Variants in IGSF5 observed in about 807,000 individuals in gnomAD.
IGSF5 encodes immunoglobulin superfamily member 5.
IGSF5 carries 41 observed loss-of-function variants against 39.4 expected under a neutral mutation model. That is an observed-to-expected ratio of 1.04 (90% confidence interval 0.81 to 1.35). IGSF5 has a LOEUF of 1.35. Ranked by LOEUF, IGSF5 falls within the 40% of genes most tolerant of loss-of-function variation. The probability of loss-of-function intolerance (pLI) is 0.00; values close to 1 mark genes in which losing one functional copy is unlikely to be tolerated. For missense variants in IGSF5, 487 were observed against 494.6 expected, an observed-to-expected ratio of 0.98 and a Z score of 0.15; for synonymous variants, 183 against 175.3, an observed-to-expected ratio of 1.04 and a Z score of -0.34.
In IGSF5 at chr21:39,791,872, A is replaced by C. The variant is rs540370629; in HGVS notation, c.957-136A>C. On this transcript the variant is annotated intron_variant, in intron 6 of 8. Transcript: ENST00000380588. Reference sequence around the variant, plus strand: ...CTGCAACGCAGCGGCAAAGCTATGGACTTCCTGTGTTAAGTTCAATGTGTA... The same window carrying C: ...CTGCAACGCAGCGGCAAAGCTATGGCCTTCCTGTGTTAAGTTCAATGTGTA... The C allele has an allele frequency of 4.8e-6, 3 of 624,020 alleles. No individual in the cohort carries two copies. In the African/African-American group the frequency reaches 5.5e-5, roughly 11 times the overall value. 38.7% of individuals were successfully genotyped at this position (624,020 alleles called of 1,614,324 possible). A position where few individuals can be genotyped will look rare whatever the true frequency, so the allele number is the denominator to read the frequency against.
At chr21:39,788,118 T>C in intron 5 of IGSF5, 49 bp from the exon 6 acceptor site, 2 of 1,461,916 alleles carry the variant, frequency 1.4e-6, no homozygotes, top group Non-Finnish European at 1.9e-6. Context: ...ACTCGATTTT[T>C]AGAATAAGTA....
rs190726928 is a variant in IGSF5, at chr21:39,746,095, C to A, written c.18-121C>A. On this transcript the variant is annotated intron_variant, in intron 1 of 8. Transcript: ENST00000380588. ...AGAAGCTGTGGGTCATGGGAGAGAA[C>A]CATGGAAGCCAGTGACTAGTGTTTA... 2,240 of 677,614 alleles carry A rather than the reference C, an allele frequency of 3.3e-3. 13 individuals carry two copies. Among genetic ancestry groups the A allele is most frequent in the Non-Finnish European group, 5.3e-3 (1,981 of 370,858 alleles). 42.0% of individuals were successfully genotyped at this position (677,614 alleles called of 1,614,324 possible).
chr21:39,769,630 G>A (rs1027855976), intron 3 of IGSF5, among the ~76,000 whole-genome samples: 1 of 152,002 alleles, frequency 6.6e-6, no homozygotes, highest in African/African-American at 2.4e-5. Context: ...GCAGTATATT[G>A]CAACAGACTG....
chr21:39,793,835 G>C (rs184366181), intron 8 of IGSF5, among the ~76,000 whole-genome samples: 2 of 152,240 alleles, frequency 1.3e-5, no homozygotes, highest in South Asian at 2.1e-4. Context: ...GCTGGTTCTG[G>C]GTAACAGCTC....
the IGSF5 span, among the ~76,000 whole-genome samples, chr21:39,734,820 A>G: frequency 6.6e-6 from 1 of 152,176 alleles, no homozygotes; most frequent in African/African-American, 2.4e-5. Context: ...AAGGTTTCTC[A>G]TACATTAAGT....
chr21:39,777,701 T>C (rs2080148052), intron 4 of IGSF5, among the ~76,000 whole-genome samples: 1 of 152,212 alleles, frequency 6.6e-6, no homozygotes, highest in Admixed American at 6.5e-5. Flanking sequence ...AGTTCTGCTC[T>C]GGGCATCTTA....
chr21:39,753,729 G>A (rs1185700407), intron 2 of IGSF5, among the ~76,000 whole-genome samples: 1 of 97,814 alleles, frequency 1.0e-5, no homozygotes, highest in Non-Finnish European at 2.1e-5. Flanking sequence ...ACTATATAAT[G>A]CCCTTCTTTG....
chr21:39,784,542 C>T (rs1056270170), intron 5 of IGSF5, among the ~76,000 whole-genome samples: 1 of 152,126 alleles, frequency 6.6e-6, no homozygotes, highest in East Asian at 1.9e-4. Context: ...TTTCTGTGAT[C>T]CATCCTAGAT....
At chr21:39,732,527 A>G in the IGSF5 span, among the ~76,000 whole-genome samples, 1 of 152,220 alleles carries the variant, frequency 6.6e-6, no homozygotes, top group Non-Finnish European at 1.5e-5. Flanking sequence ...GGGATTTATC[A>G]ACTTTGTACC....
chr21:39,722,016 G>A, the IGSF5 span, among the ~76,000 whole-genome samples: 1 of 152,224 alleles, frequency 6.6e-6, no homozygotes, highest in Non-Finnish European at 1.5e-5. Flanking sequence ...AGCAGCCACA[G>A]ACAATATGTG....
chr21:39,726,000 G>A, the IGSF5 span: 1 of 152,208 alleles, frequency 6.6e-6, no homozygotes, highest in Admixed American at 6.5e-5. Context: ...GCGAAGTCAA[G>A]GAGCGTCTCA....
intron 3 of IGSF5, among the ~76,000 whole-genome samples, chr21:39,768,715 G>A (rs2080098892): frequency 6.6e-6 from 1 of 152,162 alleles, no homozygotes; most frequent in South Asian, 2.1e-4. Context: ...TAGACTCAAG[G>A]GACAAACCCT....
chr21:39,751,503 G>A (rs1471336888), intron 2 of IGSF5: 2 of 152,100 alleles, frequency 1.3e-5, no homozygotes, highest in Admixed American at 6.6e-5. Context: ...AACTACAAGC[G>A]TGGGCTTCTC....
At chr21:39,766,543 A>G (rs2080088232) in intron 3 of IGSF5, among the ~76,000 whole-genome samples, 1 of 152,222 alleles carries the variant, frequency 6.6e-6, no homozygotes, top group South Asian at 2.1e-4. Context: ...GATAGTCATT[A>G]TAGTCAAAGT....
intron 7 of IGSF5, among the ~76,000 whole-genome samples, chr21:39,792,600 A>G (rs950749029): frequency 1.3e-5 from 2 of 152,032 alleles, no homozygotes; most frequent in African/African-American, 2.4e-5. Flanking sequence ...GTGGGGAGGT[A>G]TTTTAATACA....
the IGSF5 span, among the ~76,000 whole-genome samples, chr21:39,732,266 G>A: frequency 1.3e-5 from 2 of 152,154 alleles, no homozygotes; most frequent in Non-Finnish European, 2.9e-5. Context: ...TTTTGGGGTG[G>A]TTTAAATAGA....
chr21:39,765,960 T>C lies in IGSF5; in HGVS notation c.418+108T>C, dbSNP rs1233869456. Reference sequence around the variant, plus strand: ...GATGGCAGACGTGGTCTACCTTCAGTTGGTGTTGACCTACAATTATTCTGA... The same window carrying C: ...GATGGCAGACGTGGTCTACCTTCAGCTGGTGTTGACCTACAATTATTCTGA... On this transcript the variant is annotated intron_variant, in intron 3 of 8. Coordinates refer to ENST00000380588, the MANE Select transcript of IGSF5 (RefSeq NM_001080444.2). 8 of 1,011,614 alleles carry C rather than the reference T, an allele frequency of 7.9e-6. No individual in the cohort carries two copies. The South Asian group carries it at 9.6e-5, about 12-fold the overall frequency. 62.7% of individuals were successfully genotyped at this position (1,011,614 alleles called of 1,614,324 possible).
At chr21:39,751,034 C>A (rs2080003235) in intron 2 of IGSF5, 1 of 153,468 alleles carries the variant, frequency 6.5e-6, no homozygotes, top group African/African-American at 2.4e-5. Context: ...GCCTGGACTT[C>A]CTGTGTTTGG....
chr21:39,774,141 T>G (rs1008626301), intron 4 of IGSF5, among the ~76,000 whole-genome samples: 1 of 152,226 alleles, frequency 6.6e-6, no homozygotes, highest in African/African-American at 2.4e-5. Flanking sequence ...TTCTAAATTA[T>G]TCATCAAGAT....
Sources: allele counts gnomAD v4.1 joint callset (sites outside exome capture counted in the v4.1 genomes callset), GRCh38; gene constraint gnomAD v4.1.1; transcripts MANE v1.5; gene names NCBI Gene and HGNC (gene_info 2026-07-23, HGNC 2026-07-21).